The following CACHD1 variants were observed in gnomAD, a reference collection of about 807,000 sequenced individuals.
The protein encoded by CACHD1 is VWFA and cache domain-containing protein 1.
A neutral mutation model predicts 138.7 loss-of-function variants in CACHD1; 71 were observed. The ratio of observed to expected loss-of-function variants is 0.51; its 90% CI spans 0.42 to 0.62. The LOEUF (loss-of-function observed/expected upper bound fraction) is 0.62, where lower values mean the gene tolerates loss of function less well. CACHD1 is among the 20% of genes least tolerant of loss of function. The pLI is 0.00. For missense variants in CACHD1, 1,389 were observed against 1,625.3 expected (o/e 0.85, Z 2.50); for synonymous variants, 578 against 591.5 (o/e 0.98, Z 0.33).
At position 64,666,046 on chromosome 1, in the gene CACHD1, G is replaced by A; in HGVS notation, c.2277-11G>A. The A allele has an allele frequency of 7.0e-7, 1 of 1,432,440 alleles. No homozygotes were observed. The highest frequency in any genetic ancestry group is 1.2e-5 in the South Asian group (1 of 80,648). 88.7% of individuals were successfully genotyped at this position (1,432,440 alleles called of 1,614,324 possible). ...AAATAAAATAACATGACTTTCTTTG[G>A]TCTCCATTAGGTATCTCCATGCAGT... is the stretch of plus-strand genomic sequence containing the variant. On this transcript the variant is annotated splice_polypyrimidine_tract_variant and intron_variant, in intron 15 of 26. Coordinates refer to ENST00000651257, the MANE Select transcript of CACHD1 (RefSeq NM_020925.4).
At chr1:64,597,932 C>G (rs1248829304) in intron 3 of CACHD1, among the ~76,000 whole-genome samples, 1 of 152,136 alleles carries the variant, frequency 6.6e-6, no homozygotes, top group African/African-American at 2.4e-5. Context: ...CTTTATATTT[C>G]TCACATTCTC....
At chr1:64,606,106 A>AACACACACAC (rs112089755) in intron 4 of CACHD1, among the ~76,000 whole-genome samples, 9,669 of 148,906 alleles carry the variant, frequency 0.065, 1,054 homozygotes, top group African/African-American at 0.23. Context: ...AGGAGCTGTA[A>AACACACACAC]ACACACACAC....
At chr1:64,534,590 G>A (rs1249817988) in intron 1 of CACHD1, among the ~76,000 whole-genome samples, 2 of 152,148 alleles carry the variant, frequency 1.3e-5, no homozygotes, top group East Asian at 1.9e-4. Flanking sequence ...CCTCACACTT[G>A]CCACTACGTA....
chr1:64,619,265 A>G (rs899828730), intron 4 of CACHD1, among the ~76,000 whole-genome samples: 1 of 152,216 alleles, frequency 6.6e-6, no homozygotes, highest in Non-Finnish European at 1.5e-5. Context: ...TTGAGACTCA[A>G]CAAATGGGAA....
intron 3 of CACHD1, among the ~76,000 whole-genome samples, chr1:64,584,955 T>C (rs1323362232): frequency 6.6e-6 from 1 of 152,218 alleles, no homozygotes; most frequent in East Asian, 1.9e-4. Flanking sequence ...GAAATGATTT[T>C]ATGAACTTCA....
intron 1 of CACHD1, among the ~76,000 whole-genome samples, chr1:64,501,646 C>A (rs1282315774): frequency 2.6e-5 from 4 of 152,162 alleles, no homozygotes; most frequent in Non-Finnish European, 5.9e-5. Flanking sequence ...TTTTTGTGCA[C>A]AAAAATACCC....
intron 2 of CACHD1, among the ~76,000 whole-genome samples, chr1:64,553,587 G>A (rs1420893725): frequency 6.6e-6 from 1 of 152,122 alleles, no homozygotes; most frequent in Non-Finnish European, 1.5e-5. Context: ...CAAATATATG[G>A]AGACGTGTAA....
chr1:64,663,609 G>A, intron 13 of CACHD1, 86 bp from the exon 14 acceptor site: 1 of 1,492,728 alleles, frequency 6.7e-7, no homozygotes, highest in East Asian at 2.3e-5. Flanking sequence ...ATAGCTGACA[G>A]ATTGGCAGAG....
chr1:64,674,728 G>A (rs899478875), intron 19 of CACHD1, among the ~76,000 whole-genome samples: 1 of 152,280 alleles, frequency 6.6e-6, no homozygotes, highest in Non-Finnish European at 1.5e-5. Flanking sequence ...TTTGCCTAGT[G>A]TATCTGACAC....
intron 1 of CACHD1, among the ~76,000 whole-genome samples, chr1:64,549,615 C>A (rs1383620591): frequency 6.6e-6 from 1 of 152,066 alleles, no homozygotes; most frequent in African/African-American, 2.4e-5. Flanking sequence ...GTACCACAAC[C>A]ATGCAGGTGT....
At position 64,470,721 on chromosome 1, in the gene CACHD1, C is replaced by A. The variant is rs1485275422; in HGVS notation, c.-24C>A. On this transcript the variant is annotated 5_prime_UTR_variant, in exon 1 of 27. Coordinates refer to ENST00000651257, the MANE Select transcript of CACHD1 (RefSeq NM_020925.4). This position sits in a 1 kb window ranked among gnomAD's most constrained non-coding sequence, Gnocchi z 5.2. ...CCGCTTCCCCGCGCCCGGAGCCCGT[C>A]GGCGGGGAGTGGGGGGAGGCAGCAT... The A allele has an allele frequency of 1.9e-6, 1 of 524,222 alleles. No homozygotes were observed. The allele number at this position is 524,222 out of a possible 1,614,324, so 32.5% of individuals were successfully genotyped here. A position where few individuals can be genotyped will look rare whatever the true frequency, so the allele number is the denominator to read the frequency against.
intron 9 of CACHD1, among the ~76,000 whole-genome samples, chr1:64,650,740 G>A (rs1473258100): frequency 6.6e-6 from 1 of 152,106 alleles, no homozygotes; most frequent in Non-Finnish European, 1.5e-5. Context: ...CCTTTCCTGG[G>A]GGTTTCTAGA....
intron 19 of CACHD1, among the ~76,000 whole-genome samples, chr1:64,674,010 T>C (rs11208501): frequency 0.12 from 18,468 of 152,208 alleles, 1,850 homozygotes; most frequent in East Asian, 0.5. Context: ...CTCATTAATT[T>C]ATAAATAATC....
chr1:64,566,234 G>A (rs1646879363), intron 2 of CACHD1, among the ~76,000 whole-genome samples: 1 of 152,092 alleles, frequency 6.6e-6, no homozygotes, highest in Non-Finnish European at 1.5e-5. Flanking sequence ...GTGGATTTTT[G>A]TCTGTTCCAT....
intron 2 of CACHD1, among the ~76,000 whole-genome samples, chr1:64,571,529 C>T (rs1646926818): frequency 6.6e-6 from 1 of 152,154 alleles, no homozygotes; most frequent in Non-Finnish European, 1.5e-5. Context: ...TCAAGATTGT[C>T]ATCCCAGGAC....
intron 1 of CACHD1, among the ~76,000 whole-genome samples, chr1:64,545,008 C>G (rs1369180393): frequency 6.6e-6 from 1 of 152,130 alleles, no homozygotes; most frequent in Non-Finnish European, 1.5e-5. Context: ...TGCTAGGTGA[C>G]TCTTCAGTTA....
chr1:64,658,832 A>C lies in CACHD1; in HGVS notation c.1910A>C (p.Gln637Pro), dbSNP rs747668631. 31 of 1,586,780 alleles carry C rather than the reference A, an allele frequency of 2.0e-5. No individual in the cohort carries two copies. In the South Asian group the frequency reaches 3.3e-4, roughly 17 times the overall value. ...TACCACCGGCTGGATCTCCTTGGCCAGCCCAGTGCTTGCCTCCACTTCAAA... is the reference window on the plus strand; with the variant it reads ...TACCACCGGCTGGATCTCCTTGGCCCGCCCAGTGCTTGCCTCCACTTCAAA... Reference protein sequence around the residue: ...LLYHRLDLLGQPSACLHFKQL... With the variant: ...LLYHRLDLLGPPSACLHFKQL... Residue 637 changes from glutamine to proline, a missense_variant, in exon 13 of 27, where the codon CAG becomes CCG. By Grantham distance (76) the Gln-to-Pro change is moderately conservative. Transcript: ENST00000651257.
intron 2 of CACHD1, among the ~76,000 whole-genome samples, chr1:64,557,477 T>A (rs1646807292): frequency 6.6e-6 from 1 of 152,212 alleles, no homozygotes; most frequent in South Asian, 2.1e-4. Flanking sequence ...CAGAATTCCT[T>A]TGAAATGGGT....
At chr1:64,535,136 G>A (rs192667125) in intron 1 of CACHD1, among the ~76,000 whole-genome samples, 3 of 152,094 alleles carry the variant, frequency 2.0e-5, no homozygotes, top group Non-Finnish European at 4.4e-5. Flanking sequence ...TCTGAACTTG[G>A]TGGACACAAG....
Sources: gnomAD v4.1 joint callset for allele counts (sites outside exome capture counted in the v4.1 genomes callset) on GRCh38, gnomAD v4.1.1 for gene constraint, Gnocchi (gnomAD v3.1) non-coding constraint, MANE v1.5 for transcripts, NCBI Gene and HGNC (gene_info 2026-07-23, HGNC 2026-07-21) for gene names.